The following ARL17B variants were observed in gnomAD, a reference collection of about 807,000 sequenced individuals.
ARL17B encodes ADP-ribosylation factor-like protein 17.
chr17:46,277,050 C>G (rs1366453756), intron 4 of ARL17B, among the ~76,000 whole-genome samples: 1 of 152,214 alleles, frequency 6.6e-6, no homozygotes, highest in African/African-American at 2.4e-5. Flanking sequence ...AGTGAGCTGC[C>G]TGCCTTGGCT....
intron 4 of ARL17B, among the ~76,000 whole-genome samples, chr17:46,280,451 G>A (rs752446949): frequency 6.6e-6 from 1 of 152,242 alleles, no homozygotes; most frequent in Non-Finnish European, 1.5e-5. Flanking sequence ...AGGTTGGCGG[G>A]AGGATCGCTT....
At position 46,323,865 on chromosome 17, in the gene ARL17B, A is replaced by G. The variant is rs2911781; in HGVS notation, c.260-24200T>C. ...ATAAAACAACAATACAACAATAAAA[A>G]CAGTAGAAAATTTAAAATACAGTAT... On this transcript the variant is annotated intron_variant, in intron 3 of 4. Transcript: ENST00000434041. 6.2e-5 allele frequency among the ~76,000 whole-genome samples: 6 copies of G among 97,022 alleles called. 1 individual carries two copies. The highest frequency in any genetic ancestry group is 5.3e-4 in the East Asian group (2 of 3,756). 63.7% of individuals were successfully genotyped at this position (97,022 alleles called of 152,430 possible). A position where few individuals can be genotyped will look rare whatever the true frequency, so the allele number is the denominator to read the frequency against.
chr17:46,291,010 C>T (rs2050051370), intron 4 of ARL17B, among the ~76,000 whole-genome samples: 1 of 152,212 alleles, frequency 6.6e-6, no homozygotes, highest in Admixed American at 6.5e-5. Context: ...ACCAAATAAA[C>T]CTGAATGGCC....
chr17:46,283,990 C>T (rs1353104536), intron 4 of ARL17B, among the ~76,000 whole-genome samples: 2 of 152,266 alleles, frequency 1.3e-5, no homozygotes, highest in African/African-American at 4.8e-5. Context: ...CGTGTCCCAC[C>T]TCCAGCCCTA....
intron 4 of ARL17B, among the ~76,000 whole-genome samples, chr17:46,276,314 T>G (rs1176631323): frequency 6.6e-6 from 1 of 152,264 alleles, no homozygotes; most frequent in African/African-American, 2.4e-5. Context: ...TCCAATAGTT[T>G]ACAATTTTTA....
At chr17:46,286,658 A>G (rs1365072955) in intron 4 of ARL17B, among the ~76,000 whole-genome samples, 2 of 152,262 alleles carry the variant, frequency 1.3e-5, no homozygotes, top group Non-Finnish European at 2.9e-5. Flanking sequence ...AAAGAGAAAA[A>G]AAAATGAAAA....
chr17:46,288,696 C>CTTTTTTTTTT (rs2049984588), intron 4 of ARL17B, among the ~76,000 whole-genome samples: 2 of 147,994 alleles, frequency 1.4e-5, no homozygotes, highest in Admixed American at 6.8e-5. Context: ...TTTACTGCAT[C>CTTTTTTTTTT]TTGTTTTTTC....
intron 4 of ARL17B, among the ~76,000 whole-genome samples, chr17:46,279,184 CT>C (rs1189159774): frequency 2.4e-3 from 329 of 136,938 alleles, no homozygotes; most frequent in African/African-American, 5.5e-3. Context: ...TCTTTTTTTT[CT>C]TTTTTTTTTT....
At chr17:46,275,074 TAG>T (rs962776200) in exon 5 of ARL17B, 1 of 183,788 alleles carries the variant, frequency 5.4e-6, no homozygotes, top group African/African-American at 2.4e-5. Context: ...GTATTTTTGG[TAG>T]AGACGGGGTT....
At chr17:46,290,689 G>C (rs2668649) in intron 4 of ARL17B, among the ~76,000 whole-genome samples, 21,511 of 151,576 alleles carry the variant, frequency 0.14, 1,875 homozygotes, top group Non-Finnish European at 0.21. Context: ...TCAAGTGATC[G>C]TTTCACCTCA....
At chr17:46,327,346 G>A in intron 3 of ARL17B, among the ~76,000 whole-genome samples, 1 of 50,652 alleles carries the variant, frequency 2.0e-5, no homozygotes, top group East Asian at 3.8e-4. Context: ...GAAGGCCGAG[G>A]TGGGAGGATT....
chr17:46,275,687 C>G (rs2077370581), intron 4 of ARL17B, among the ~76,000 whole-genome samples: 1 of 152,190 alleles, frequency 6.6e-6, no homozygotes, highest in Non-Finnish European at 1.5e-5. Context: ...ACAACATTTT[C>G]AGGCAACTGG....
At chr17:46,276,529 A>G (rs1286679193) in intron 4 of ARL17B, among the ~76,000 whole-genome samples, 1 of 152,238 alleles carries the variant, frequency 6.6e-6, no homozygotes, top group Non-Finnish European at 1.5e-5. Flanking sequence ...GTAAGAAAAG[A>G]AAGAATATGG....
At chr17:46,354,650 TAAAA>T (rs1168841386) in intron 2 of ARL17B, among the ~76,000 whole-genome samples, 1 of 103,862 alleles carries the variant, frequency 9.6e-6, no homozygotes, top group Non-Finnish European at 1.9e-5. Context: ...AATTAAAAAT[TAAAA>T]AAAAAAGAAA....
At chr17:46,291,985 A>AAAAAAAAAAAAAAAAAAAAAC (rs1360524355) in intron 4 of ARL17B, among the ~76,000 whole-genome samples, 3 of 76,588 alleles carry the variant, frequency 3.9e-5, no homozygotes, top group Non-Finnish European at 8.3e-5. Context: ...AAAAAAAAAA[A>AAAAAAAAAAAAAAAAAAAAAC]AAGCCAATAA....
intron 4 of ARL17B, among the ~76,000 whole-genome samples, chr17:46,283,036 T>A (rs1459552291): frequency 6.6e-6 from 1 of 152,110 alleles, no homozygotes; most frequent in Non-Finnish European, 1.5e-5. Flanking sequence ...GGAGAATCGC[T>A]TGAACCTGGG....
chr17:46,334,822 A>G (rs1442115108), downstream of ARL17B: 7 of 133,942 alleles, frequency 5.2e-5, no homozygotes, highest in African/African-American at 1.6e-4. Flanking sequence ...ACATCTTCAG[A>G]TTCAACTAGA....
intron 4 of ARL17B, among the ~76,000 whole-genome samples, chr17:46,281,871 T>G (rs1176158052): frequency 6.6e-6 from 1 of 152,186 alleles, no homozygotes; most frequent in African/African-American, 2.4e-5. Context: ...CTCAAACTCC[T>G]GACCTCAGGT....
At chr17:46,279,538 G>A (rs2049702082) in intron 4 of ARL17B, among the ~76,000 whole-genome samples, 1 of 127,696 alleles carries the variant, frequency 7.8e-6, no homozygotes. Context: ...GTCTTGTTGT[G>A]TCGTCCAGGC....
Sources: gnomAD v4.1 joint callset for allele counts (sites outside exome capture counted in the v4.1 genomes callset) on GRCh38, gnomAD v4.1.1 for gene constraint, MANE v1.5 for transcripts, NCBI Gene and HGNC (gene_info 2026-07-23, HGNC 2026-07-21) for gene names.